TTC17: variants seen among roughly 807,000 people sequenced by gnomAD.
TTC17 encodes tetratricopeptide repeat domain 17.
In TTC17, 58 loss-of-function variants were observed where a neutral mutation model predicts 143.8. That is an observed-to-expected ratio of 0.40 (90% CI 0.33 to 0.50). TTC17 has a LOEUF of 0.50. Among genes scored for constraint, TTC17 ranks in the 20% least tolerant of loss-of-function variants. TTC17 has a pLI of 0.49. For synonymous variants in TTC17, 501 were observed against 497.8 expected (o/e 1.01, Z -0.09); for missense variants, 1,273 against 1,392.5 (o/e 0.91, Z 1.37).
chr11:43,382,855 A>G (rs1857023367), intron 2 of TTC17, among the ~76,000 whole-genome samples: 1 of 152,250 alleles, frequency 6.6e-6, no homozygotes, highest in African/African-American at 2.4e-5. Flanking sequence ...TCTACAGAAC[A>G]AACAATCCAA....
rs1397047261 is a variant in TTC17 at position 43,491,814 on chromosome 11, G to T, written c.3151-206G>T. On this transcript the variant is annotated intron_variant, in intron 22 of 23. Coordinates refer to ENST00000039989, the MANE Select transcript of TTC17 (RefSeq NM_018259.6). ...GTGTTTGTTTTCGAAGCAAGACTTCGCCAATGAAAGAAGTAATTGATTTAT... is the reference window on the plus strand; with the variant it reads ...GTGTTTGTTTTCGAAGCAAGACTTCTCCAATGAAAGAAGTAATTGATTTAT... The T allele has an allele frequency of 2.0e-5, 12 of 605,416 alleles. No individual in the cohort carries two copies. The South Asian group carries it at 2.9e-4, about 15-fold the overall frequency. The allele number at this position is 605,416 out of a possible 1,614,324, so 37.5% of individuals were successfully genotyped here.
At chr11:43,435,077 T>TGATAGGTA (rs1554995265) in intron 16 of TTC17, 1 of 144,394 alleles carries the variant, frequency 6.9e-6, no homozygotes, top group African/African-American at 2.6e-5. Context: ...ACAGATAAGA[T>TGATAGGTA]GATAGATAGA....
chr11:43,391,092 AT>A (rs1857367573), intron 3 of TTC17, among the ~76,000 whole-genome samples: 1 of 152,002 alleles, frequency 6.6e-6, no homozygotes, highest in Non-Finnish European at 1.5e-5. Flanking sequence ...TATGGGGAAA[AT>A]TTGACATTTC....
At chr11:43,457,147 T>G (rs1221080490) in intron 21 of TTC17, among the ~76,000 whole-genome samples, 2 of 152,034 alleles carry the variant, frequency 1.3e-5, no homozygotes, top group African/African-American at 4.8e-5. Context: ...CTCTGGGGAT[T>G]CTGATTAGAT....
intron 2 of TTC17, among the ~76,000 whole-genome samples, chr11:43,384,247 T>C (rs1407824691): frequency 6.6e-6 from 1 of 152,156 alleles, no homozygotes; most frequent in Non-Finnish European, 1.5e-5. Flanking sequence ...ATGCAAATGC[T>C]AAGCAAAAGA....
chr11:43,476,972 T>C (rs1237974889), intron 21 of TTC17, among the ~76,000 whole-genome samples: 2 of 152,246 alleles, frequency 1.3e-5, no homozygotes, highest in Non-Finnish European at 2.9e-5. Flanking sequence ...CCTATAAAAC[T>C]GAATGCCTTT....
At chr11:43,491,758 G>A (rs1948478089) in intron 22 of TTC17, 1 of 450,734 alleles carries the variant, frequency 2.2e-6, no homozygotes, top group South Asian at 2.9e-5. Context: ...ACATTATTCA[G>A]CAGATTGTTT....
chr11:43,379,051 A>G, intron 1 of TTC17, 182 bp from the exon 2 acceptor site: 1 of 589,922 alleles, frequency 1.7e-6, no homozygotes, highest in Non-Finnish European at 2.9e-6. Flanking sequence ...CAACTGTTGC[A>G]CTTGTCATTC....
intron 15 of TTC17, among the ~76,000 whole-genome samples, chr11:43,409,020 G>A (rs894249974): frequency 6.6e-6 from 1 of 152,084 alleles, no homozygotes; most frequent in Non-Finnish European, 1.5e-5. Context: ...TGGGATTACA[G>A]GCATGCACCA....
chr11:43,442,730 A>G (rs1417353135), intron 16 of TTC17, among the ~76,000 whole-genome samples: 1 of 152,214 alleles, frequency 6.6e-6, no homozygotes, highest in Admixed American at 6.5e-5. Context: ...AGGAGTCTTT[A>G]TGTAAGAGAC....
intron 21 of TTC17, among the ~76,000 whole-genome samples, chr11:43,452,511 G>T (rs1947682199): frequency 1.3e-5 from 2 of 150,136 alleles, no homozygotes; most frequent in Admixed American, 1.3e-4. Context: ...AATAAATAAT[G>T]AATGAATGAA....
chr11:43,432,794 T>G (rs1275346800), intron 16 of TTC17, among the ~76,000 whole-genome samples: 1 of 152,150 alleles, frequency 6.6e-6, no homozygotes, highest in Non-Finnish European at 1.5e-5. Context: ...CTTTTTTTAG[T>G]TCCCCTTTGA....
rs184997380 is a variant in TTC17, at chr11:43,459,639, G to A, written c.3030+8374G>A. Among the ~76,000 whole-genome samples the A allele has an allele frequency of 4.6e-5, 7 of 152,324 alleles. No individual in the cohort carries two copies. The East Asian group carries it at 7.7e-4, about 17-fold the overall frequency. On this transcript the variant is annotated intron_variant, in intron 21 of 23. Transcript: ENST00000039989. ...ATATGTCTTTTGTCTACCTGAGAGC[G>A]TCAGCTAGACACTGGCTTAAATCTT...
In TTC17 at chr11:43,407,464, C is replaced by T. The variant is rs1161803090; in HGVS notation, c.1951C>T (p.Leu651Phe). ...TCAGAGGGCTTTGAATTTAGCTCCA[C>T]TTCAATACCAAGATGTTCCTCTTGT... ...CLQRALNLAP[L>F]QYQDVPLVNL... Residue 651 changes from leucine to phenylalanine, a missense_variant, in exon 15 of 24, where the codon CTT becomes TTT. Leu to Phe is a conservative substitution (Grantham distance 22). Transcript: ENST00000039989. 6.2e-7 allele frequency: 1 copy of T among 1,613,938 alleles called. No homozygotes were observed. The highest frequency in any genetic ancestry group is 8.5e-7 in the Non-Finnish European group (1 of 1,179,990).
chr11:43,434,231 A>ACACT (rs1554994994), intron 16 of TTC17, among the ~76,000 whole-genome samples: 1 of 106,510 alleles, frequency 9.4e-6, no homozygotes, highest in African/African-American at 3.6e-5. Context: ...ACACACACAC[A>ACACT]CTCTCATGGC....
At chr11:43,397,177 A>G (rs1416976516) in intron 6 of TTC17, 170 bp from the exon 7 acceptor site, 2 of 681,952 alleles carry the variant, frequency 2.9e-6, no homozygotes, top group Non-Finnish European at 2.3e-6. Context: ...TTTAGTGACA[A>G]AATTTGTAGC....
At chr11:43,486,352 G>A in intron 21 of TTC17, 1 of 424,640 alleles carries the variant, frequency 2.4e-6, no homozygotes, top group South Asian at 1.7e-5. Flanking sequence ...GAAGCTCCCT[G>A]CCTGTCATTA....
intron 21 of TTC17, among the ~76,000 whole-genome samples, chr11:43,455,504 A>G (rs1015565194): frequency 8.5e-5 from 13 of 152,104 alleles, no homozygotes; most frequent in African/African-American, 2.9e-4. Context: ...ATAAAATTCG[A>G]AAGGCAGGGG....
At chr11:43,445,005 A>G (rs971729331) in intron 18 of TTC17, among the ~76,000 whole-genome samples, 3 of 152,236 alleles carry the variant, frequency 2.0e-5, no homozygotes, top group African/African-American at 7.2e-5. Context: ...AGATGTAAGT[A>G]GAAAGATTAT....
Sources: gnomAD v4.1 joint callset for allele counts (sites outside exome capture counted in the v4.1 genomes callset) on GRCh38, gnomAD v4.1.1 for gene constraint, MANE v1.5 for transcripts, NCBI Gene and HGNC (gene_info 2026-07-23, HGNC 2026-07-21) for gene names.